The following RPL14 variants were observed in gnomAD, a reference collection of about 807,000 sequenced individuals.
RPL14 encodes large ribosomal subunit protein eL14.
RPL14 carries 4 observed loss-of-function variants against 25.3 expected under a neutral mutation model. The ratio of observed to expected loss-of-function variants is 0.16; its 90% CI spans 0.08 to 0.36. The LOEUF (loss-of-function observed/expected upper bound fraction) is 0.36, where lower values mean the gene tolerates loss of function less well. Ranked by LOEUF, RPL14 falls within the 10% of genes least tolerant of loss-of-function variation. RPL14 has a pLI of 1.00. For missense variants in RPL14, 212 were observed against 261.9 expected (o/e 0.81, Z 1.31); for synonymous variants, 75 against 89.8 (o/e 0.84, Z 0.93).
intron 3 of RPL14, among the ~76,000 whole-genome samples, chr3:40,459,486 A>T (rs908198929): frequency 2.0e-5 from 3 of 152,204 alleles, no homozygotes; most frequent in African/African-American, 7.2e-5. Flanking sequence ...GTGTGTTGCT[A>T]TACAGTTAAT....
intron 3 of RPL14, among the ~76,000 whole-genome samples, chr3:40,460,024 G>A (rs1006978432): frequency 1.3e-5 from 2 of 152,102 alleles, no homozygotes; most frequent in African/African-American, 2.4e-5. Flanking sequence ...ATACCAATTA[G>A]GGGTGAAGCT....
Position 40,458,074 on chromosome 3 carries a change from T to G in RPL14, c.105+83T>G, listed in dbSNP as rs150726136. On this transcript the variant is annotated intron_variant, in intron 2 of 5. Coordinates refer to ENST00000396203, the MANE Select transcript of RPL14 (RefSeq NM_001034996.3). ...ATAATGAATTGTCTCGATGGCTGTG[T>G]AAGATGAGGATGCTATGGGTAGTCG... 1.6e-4 allele frequency: 183 copies of G among 1,178,922 alleles called. No individual in the cohort carries two copies. The East Asian group carries it at 4.0e-3, about 26-fold the overall frequency. 73.0% of individuals were successfully genotyped at this position (1,178,922 alleles called of 1,614,324 possible).
intron 3 of RPL14, 148 bp from the exon 4 acceptor site, chr3:40,461,259 G>A (rs1696932479): frequency 1.6e-6 from 1 of 641,596 alleles, no homozygotes; most frequent in Non-Finnish European, 2.8e-6. Context: ...AACCTATTCT[G>A]GCTTACTGAA....
chr3:40,457,630 A>G (rs1168351290), intron 1 of RPL14, 156 bp downstream of exon 1: 2 of 692,490 alleles, frequency 2.9e-6, no homozygotes, highest in Non-Finnish European at 4.8e-6. Flanking sequence ...TGGATGGCTG[A>G]TGCGGCTCGT....
chr3:40,458,096 G>A (rs988888157), intron 2 of RPL14, 105 bp downstream of exon 2: 27 of 950,894 alleles, frequency 2.8e-5, no homozygotes, highest in Admixed American at 2.3e-4. Context: ...GCTATGGGTA[G>A]TCGCTTTATT....
intron 3 of RPL14, among the ~76,000 whole-genome samples, chr3:40,460,594 G>GT (rs1439471565): frequency 7.5e-6 from 1 of 133,350 alleles, no homozygotes; most frequent in African/African-American, 2.9e-5. Flanking sequence ...TCAGAGGTGG[G>GT]TTTTTTGTGT....
At chr3:40,459,008 C>T in intron 3 of RPL14, 1 of 358,866 alleles carries the variant, frequency 2.8e-6, no homozygotes, top group South Asian at 3.0e-5. Flanking sequence ...AAACCCCCAT[C>T]TCTACAAAAA....
chr3:40,461,923 C>T lies in RPL14; in HGVS notation c.355-16C>T, dbSNP rs759006411. On this transcript the variant is annotated splice_polypyrimidine_tract_variant and intron_variant, in intron 5 of 5. Coordinates refer to ENST00000396203, the MANE Select transcript of RPL14 (RefSeq NM_001034996.3). ...TGTATACACAATAAGTGCTTTCTTA[C>T]ATTGATAATTTTCAGAGGAACAGAA... is the stretch of plus-strand genomic sequence containing the variant. 3 of 1,584,254 alleles carry T rather than the reference C, an allele frequency of 1.9e-6. No homozygotes were observed. The highest frequency in any genetic ancestry group is 2.2e-5 in the East Asian group (1 of 44,694).
At position 40,462,344 on chromosome 3, in the gene RPL14, G is replaced by T; in HGVS notation, c.*112G>T. On this transcript the variant is annotated 3_prime_UTR_variant, in exon 6 of 6. Coordinates refer to ENST00000396203, the MANE Select transcript of RPL14 (RefSeq NM_001034996.3). ...GAGTTAGGAGGCAGATTGATAGTAG[G>T]ATTATAATAAACATTAAATAATCAG... The T allele has an allele frequency of 2.2e-6, 2 of 909,134 alleles. No individual in the cohort carries two copies. The highest frequency in any genetic ancestry group is 4.1e-5 in the South Asian group (2 of 49,068). 56.3% of individuals were successfully genotyped at this position (909,134 alleles called of 1,614,324 possible). A position where few individuals can be genotyped will look rare whatever the true frequency, so the allele number is the denominator to read the frequency against.
Position 40,458,623 on chromosome 3 carries a change from C to G in RPL14, c.106-19C>G, listed in dbSNP as rs777409003. The G allele has an allele frequency of 1.2e-6, 2 of 1,608,680 alleles. No individual in the cohort carries two copies. The highest frequency in any genetic ancestry group is 1.7e-4 in the Middle Eastern group (1 of 6,052). On this transcript the variant is annotated intron_variant, in intron 2 of 5. Coordinates refer to ENST00000396203, the MANE Select transcript of RPL14 (RefSeq NM_001034996.3). Reference sequence around the variant, plus strand: ...TGCTGTTAGATTTTGCACTGAAGTTCTTGATGTTTGTGTTCTAGGCTTTGG... The same window carrying G: ...TGCTGTTAGATTTTGCACTGAAGTTGTTGATGTTTGTGTTCTAGGCTTTGG...
intron 2 of RPL14, 117 bp downstream of exon 2, chr3:40,458,108 T>G (rs968456997): frequency 1.2e-6 from 1 of 841,322 alleles, no homozygotes; most frequent in African/African-American, 1.7e-5. Flanking sequence ...CGCTTTATTT[T>G]ACCATTGAGG....
In RPL14 at chr3:40,464,220, A is replaced by T. The variant is rs1268685489; in HGVS notation, c.*1988A>T. Reference sequence around the variant, plus strand: ...GGTGATCTGTCCGCCTTGGCCTCCCAAAGTGCTGGGATTACAGGCGTGAGC... The same window carrying T: ...GGTGATCTGTCCGCCTTGGCCTCCCTAAGTGCTGGGATTACAGGCGTGAGC... On this transcript the variant is annotated 3_prime_UTR_variant, in exon 6 of 6. Transcript: ENST00000396203. The T allele has an allele frequency of 2.9e-6, 1 of 339,432 alleles. No individual in the cohort carries two copies. Among genetic ancestry groups the T allele is most frequent in the African/African-American group, 2.1e-5 (1 of 46,592 alleles). 21.0% of individuals were successfully genotyped at this position (339,432 alleles called of 1,614,324 possible).
rs139239287 is a variant in RPL14, at chr3:40,464,407, T to C, written c.*2175T>C. Reference sequence around the variant, plus strand: ...ATATGGATGATTTCGGATTACCTGTTCTACTCTGGGAGGTAGAGAATTGTC... The same window carrying C: ...ATATGGATGATTTCGGATTACCTGTCCTACTCTGGGAGGTAGAGAATTGTC... On this transcript the variant is annotated 3_prime_UTR_variant, in exon 6 of 6. Coordinates refer to ENST00000396203, the MANE Select transcript of RPL14 (RefSeq NM_001034996.3). The C allele has an allele frequency of 1.2e-3, 542 of 454,088 alleles. 3 individuals carry two copies. The highest frequency in any genetic ancestry group is 9.4e-3 in the African/African-American group (472 of 50,136). The allele number at this position is 454,088 out of a possible 1,614,324, so 28.1% of individuals were successfully genotyped here. A position where few individuals can be genotyped will look rare whatever the true frequency, so the allele number is the denominator to read the frequency against.
intron 5 of RPL14, 36 bp downstream of exon 5, chr3:40,461,697 C>A: frequency 6.4e-7 from 1 of 1,559,554 alleles, no homozygotes; most frequent in Non-Finnish European, 8.7e-7. Context: ...TGTAACTTAG[C>A]TTTAAATAAT....
In RPL14 at chr3:40,464,093, A is replaced by G. The variant is rs1559530036; in HGVS notation, c.*1861A>G. On this transcript the variant is annotated 3_prime_UTR_variant, in exon 6 of 6. Coordinates refer to ENST00000396203, the MANE Select transcript of RPL14 (RefSeq NM_001034996.3). ...CAAGTTGTTCTGCCTCAGCCTCCCA[A>G]GTAGCAGGGGTTAAATGCGTGTACC... is the stretch of plus-strand genomic sequence containing the variant. 2 of 177,732 alleles carry G rather than the reference A, an allele frequency of 1.1e-5. No homozygotes were observed. Among genetic ancestry groups the G allele is most frequent in the Non-Finnish European group, 1.2e-5 (1 of 82,858 alleles). 11.0% of individuals were successfully genotyped at this position (177,732 alleles called of 1,614,324 possible).
At chr3:40,458,513 T>C in intron 2 of RPL14, 129 bp from the exon 3 acceptor site, 1 of 685,358 alleles carries the variant, frequency 1.5e-6, no homozygotes, top group Non-Finnish European at 2.6e-6. Context: ...CCTTGTCTTT[T>C]CTGAGCAATT....
rs1236554706 is a variant in RPL14 at position 40,461,600 on chromosome 3, T to C, written c.301-8T>C. The C allele has an allele frequency of 6.2e-7, 1 of 1,604,668 alleles. No individual in the cohort carries two copies. Among genetic ancestry groups the C allele is most frequent in the Non-Finnish European group, 8.5e-7 (1 of 1,177,156 alleles). On this transcript the variant is annotated splice_polypyrimidine_tract_variant and splice_region_variant and intron_variant, in intron 4 of 5. Coordinates refer to ENST00000396203, the MANE Select transcript of RPL14 (RefSeq NM_001034996.3). The stretch of plus-strand genomic sequence containing the variant: ...GATAATTTTTATTTGTTGTTTTTTT[T>C]TTAACAGAAAGCCAAGATGACAGAT...
At position 40,468,407 on chromosome 3, in the gene RPL14, G is replaced by C. The variant is rs1187947822; in HGVS notation, c.*6175G>C. ...TTAAATTTTTGCCAGTGTGTGAAAA[G>C]TAGTATCTTACTTTAACTTGTATTT... On this transcript the variant is annotated 3_prime_UTR_variant, in exon 6 of 6. Coordinates refer to ENST00000396203, the MANE Select transcript of RPL14 (RefSeq NM_001034996.3). 2.0e-5 allele frequency: 3 copies of C among 152,152 alleles called. No homozygotes were observed. Among genetic ancestry groups the C allele is most frequent in the African/African-American group, 7.2e-5 (3 of 41,432 alleles). The allele number at this position is 152,152 out of a possible 1,614,324, so 9.4% of individuals were successfully genotyped here. A position where few individuals can be genotyped will look rare whatever the true frequency, so the allele number is the denominator to read the frequency against.
At position 40,464,588 on chromosome 3, in the gene RPL14, G is replaced by A. The variant is rs866892365; in HGVS notation, c.*2356G>A. The A allele has an allele frequency of 2.2e-6, 1 of 449,738 alleles. No homozygotes were observed. The highest frequency in any genetic ancestry group is 4.5e-6 in the Non-Finnish European group (1 of 223,604). 27.9% of individuals were successfully genotyped at this position (449,738 alleles called of 1,614,324 possible). ...GGTTAGATCGTGTAGGGGAACACGG[G>A]AAGCTACTGAGGGTTTTTTAAAATG... On this transcript the variant is annotated 3_prime_UTR_variant, in exon 6 of 6. Coordinates refer to ENST00000396203, the MANE Select transcript of RPL14 (RefSeq NM_001034996.3).
Sources: allele counts gnomAD v4.1 joint callset (sites outside exome capture counted in the v4.1 genomes callset), GRCh38; gene constraint gnomAD v4.1.1; transcripts MANE v1.5; gene names NCBI Gene and HGNC (gene_info 2026-07-23, HGNC 2026-07-21).